C9: variants seen among roughly 807,000 people sequenced by gnomAD.
C9 encodes complement component C9.
A neutral mutation model predicts 65.4 loss-of-function variants in C9; 63 were observed. The ratio of observed to expected loss-of-function variants is 0.96; its 90% confidence interval spans 0.79 to 1.19. The LOEUF (loss-of-function observed/expected upper bound fraction) is 1.19. C9 is among the 50% of genes most tolerant of loss of function. The pLI, the probability that C9 is intolerant of heterozygous loss-of-function variation, is 0.00. For synonymous variants in C9, 229 were observed against 227.9 expected, an observed-to-expected ratio of 1.00 and a Z score of -0.04; for missense variants, 744 against 670.1, an observed-to-expected ratio of 1.11 and a Z score of -1.22.
chr5:39,303,921 AC>A (rs1179627620), intron 9 of C9, among the ~76,000 whole-genome samples: 130 of 152,224 alleles, frequency 8.5e-4, no homozygotes, highest in African/African-American at 2.9e-3. Context: ...CCTGCTTTGC[AC>A]CCTGAGCTGC....
chr5:39,344,383 T>A (rs1754150615), intron 1 of C9, among the ~76,000 whole-genome samples: 1 of 152,186 alleles, frequency 6.6e-6, no homozygotes, highest in Non-Finnish European at 1.5e-5. Flanking sequence ...ATGCACAAGC[T>A]TCAGTAGCTG....
intron 4 of C9, among the ~76,000 whole-genome samples, chr5:39,338,756 T>G (rs1754015410): frequency 6.6e-6 from 1 of 152,174 alleles, no homozygotes; most frequent in Non-Finnish European, 1.5e-5. Context: ...GTGGGATGGT[T>G]CCTAACACCA....
At chr5:39,319,409 C>T (rs1753628051) in intron 5 of C9, among the ~76,000 whole-genome samples, 1 of 152,090 alleles carries the variant, frequency 6.6e-6, no homozygotes, top group African/African-American at 2.4e-5. Context: ...GACAAAGTTT[C>T]CAGCCTCAAC....
chr5:39,286,260 A>G (rs1166987625), intron 10 of C9, among the ~76,000 whole-genome samples: 5 of 152,114 alleles, frequency 3.3e-5, no homozygotes, highest in African/African-American at 1.2e-4. Flanking sequence ...ACGGGTTTCC[A>G]CAGGAAATAA....
At chr5:39,352,834 GT>G (rs747093390) in intron 1 of C9, among the ~76,000 whole-genome samples, 11,780 of 144,470 alleles carry the variant, frequency 0.082, 892 homozygotes, top group African/African-American at 0.2. Flanking sequence ...TGAAGTCTAA[GT>G]TTTTTTTTTT....
chr5:39,334,691 G>T (rs1579866122), intron 4 of C9, among the ~76,000 whole-genome samples: 1 of 151,216 alleles, frequency 6.6e-6, no homozygotes, highest in African/African-American at 2.4e-5. Context: ...CCGGGAGGGA[G>T]GTGGGGCGGT....
chr5:39,346,884 C>T (rs1439559459), intron 1 of C9, among the ~76,000 whole-genome samples: 15 of 152,100 alleles, frequency 9.9e-5, no homozygotes, highest in Admixed American at 5.2e-4. Flanking sequence ...AATCAATAAA[C>T]GTAATCCAGC....
chr5:39,331,590 G>T, intron 5 of C9, 86 bp downstream of exon 5: 1 of 1,117,310 alleles, frequency 9.0e-7, no homozygotes, highest in Non-Finnish European at 1.4e-6. Context: ...ATTCTACTGA[G>T]TTTTTCACAT....
chr5:39,328,094 T>C (rs1351308961), intron 5 of C9, among the ~76,000 whole-genome samples: 1 of 152,180 alleles, frequency 6.6e-6, no homozygotes, highest in Non-Finnish European at 1.5e-5. Context: ...GAGTGGAGGC[T>C]TAGCAGAATG....
chr5:39,356,335 C>T (rs553076990), intron 1 of C9, among the ~76,000 whole-genome samples: 3 of 152,280 alleles, frequency 2.0e-5, no homozygotes, highest in African/African-American at 7.2e-5. Flanking sequence ...CTGGCTTTTT[C>T]CCCCAAACCT....
At chr5:39,344,512 T>G (rs936884351) in intron 1 of C9, among the ~76,000 whole-genome samples, 1 of 152,150 alleles carries the variant, frequency 6.6e-6, no homozygotes, top group Non-Finnish European at 1.5e-5. Flanking sequence ...CCAAGAAATA[T>G]GGGACTATGT....
intron 9 of C9, among the ~76,000 whole-genome samples, chr5:39,291,396 G>C (rs995060963): frequency 1.3e-5 from 2 of 151,744 alleles, no homozygotes; most frequent in African/African-American, 4.8e-5. Context: ...GAGACAAAAG[G>C]ATAGGATATA....
intron 1 of C9, among the ~76,000 whole-genome samples, chr5:39,363,548 C>T (rs1421877372): frequency 6.6e-6 from 1 of 152,148 alleles, no homozygotes; most frequent in African/African-American, 2.4e-5. Flanking sequence ...CAGACATTTC[C>T]CCCCAGCCAC....
chr5:39,336,264 A>C (rs115507696), intron 4 of C9, among the ~76,000 whole-genome samples: 4,551 of 152,154 alleles, frequency 0.03, 211 homozygotes, highest in African/African-American at 0.1. Flanking sequence ...GCAAAAGTGA[A>C]CAGAAGGCAC....
intron 5 of C9, among the ~76,000 whole-genome samples, chr5:39,330,003 T>C (rs557574992): frequency 9.2e-5 from 14 of 152,336 alleles, no homozygotes; most frequent in South Asian, 6.2e-4. Flanking sequence ...AACGGAGTGA[T>C]GTGGAGGCCT....
chr5:39,346,097 C>G (rs1011307002), intron 1 of C9, among the ~76,000 whole-genome samples: 1 of 152,088 alleles, frequency 6.6e-6, no homozygotes, highest in Non-Finnish European at 1.5e-5. Context: ...ACCCTAACAT[C>G]ACAATTAAAA....
At chr5:39,296,035 A>G (rs1753179627) in intron 9 of C9, among the ~76,000 whole-genome samples, 1 of 151,692 alleles carries the variant, frequency 6.6e-6, no homozygotes, top group Admixed American at 6.6e-5. Context: ...AATCAACCCA[A>G]TATAGAATAC....
At position 39,316,036 on chromosome 5, in the gene C9, G is replaced by C. The variant is rs1477538942; in HGVS notation, c.616-7C>G. The C allele has an allele frequency of 6.2e-7, 1 of 1,607,582 alleles. No individual in the cohort carries two copies. Among genetic ancestry groups the C allele is most frequent in the Non-Finnish European group, 8.5e-7 (1 of 1,175,770 alleles). On this transcript the variant is annotated splice_region_variant and splice_polypyrimidine_tract_variant and intron_variant, in intron 5 of 10. Coordinates refer to ENST00000263408, the MANE Select transcript of C9 (RefSeq NM_001737.5). ...AATTTTTCTCGCCTTTGGTCTAAAA[G>C]AGAATAAAAAAGTGTTGTTAAAAAC...
At chr5:39,335,199 T>C (rs1421201884) in intron 4 of C9, among the ~76,000 whole-genome samples, 1 of 152,190 alleles carries the variant, frequency 6.6e-6, no homozygotes, top group Non-Finnish European at 1.5e-5. Context: ...TTATTTTCAG[T>C]GAACAATGAA....
Sources: allele counts gnomAD v4.1 joint callset (sites outside exome capture counted in the v4.1 genomes callset), GRCh38; gene constraint gnomAD v4.1.1; transcripts MANE v1.5; gene names NCBI Gene and HGNC (gene_info 2026-07-23, HGNC 2026-07-21).